PABPC4L: variants seen among roughly 807,000 people sequenced by gnomAD.
The protein encoded by PABPC4L is polyadenylate-binding protein 4-like.
For missense variants in PABPC4L, 452 were observed against 451.4 expected, an observed-to-expected ratio of 1.00 and a Z score of -0.01; for synonymous variants, 169 against 164.1, an observed-to-expected ratio of 1.03 and a Z score of -0.23.
At chr4:134,049,466 T>C in the PABPC4L span, among the ~76,000 whole-genome samples, 1 of 152,168 alleles carries the variant, frequency 6.6e-6, no homozygotes, top group Non-Finnish European at 1.5e-5. Flanking sequence ...GTATCTCCTA[T>C]TGTATTATGT....
the PABPC4L span, among the ~76,000 whole-genome samples, chr4:134,077,258 T>C: frequency 6.6e-6 from 1 of 152,178 alleles, no homozygotes; most frequent in East Asian, 1.9e-4. Flanking sequence ...TGAACATTGC[T>C]TTCTTTATAT....
At chr4:134,025,562 A>G in the PABPC4L span, among the ~76,000 whole-genome samples, 2 of 152,120 alleles carry the variant, frequency 1.3e-5, no homozygotes, top group African/African-American at 2.4e-5. Context: ...AGCATGAGCA[A>G]AATTATTTTC....
At chr4:134,112,643 A>C in the PABPC4L span, among the ~76,000 whole-genome samples, 2 of 151,572 alleles carry the variant, frequency 1.3e-5, no homozygotes, top group Non-Finnish European at 2.9e-5. Flanking sequence ...TCATCTATCT[A>C]TCTACATCTA....
At chr4:134,087,071 C>T in the PABPC4L span, among the ~76,000 whole-genome samples, 2 of 151,358 alleles carry the variant, frequency 1.3e-5, no homozygotes, top group Non-Finnish European at 2.9e-5. Context: ...TTTGTTCTTG[C>T]GATAGTTTAC....
chr4:133,954,318 A>G, the PABPC4L span, among the ~76,000 whole-genome samples: 1 of 152,144 alleles, frequency 6.6e-6, no homozygotes, highest in Non-Finnish European at 1.5e-5. Flanking sequence ...AAGGGGGAAC[A>G]TGGGGACGAA....
At chr4:134,182,367 A>G in the PABPC4L span, among the ~76,000 whole-genome samples, 95 of 152,068 alleles carry the variant, frequency 6.2e-4, no homozygotes, top group South Asian at 0.019. Context: ...ACTCTATTAT[A>G]TAAATGGTGC....
the PABPC4L span, among the ~76,000 whole-genome samples, chr4:134,047,030 C>T: frequency 1.3e-5 from 2 of 152,254 alleles, no homozygotes; most frequent in African/African-American, 4.8e-5. Flanking sequence ...CAATCTGTGA[C>T]AGAATTAAAG....
chr4:134,134,079 T>C, the PABPC4L span, among the ~76,000 whole-genome samples: 2 of 152,048 alleles, frequency 1.3e-5, no homozygotes, highest in African/African-American at 4.8e-5. Context: ...AATATAAAAG[T>C]ATTGGAAACT....
chr4:134,075,646 C>CA, the PABPC4L span, among the ~76,000 whole-genome samples: 1 of 152,110 alleles, frequency 6.6e-6, no homozygotes, highest in Non-Finnish European at 1.5e-5. Context: ...TTCCTACTTT[C>CA]AAAAAATAAA....
chr4:133,959,480 A>G, the PABPC4L span, among the ~76,000 whole-genome samples: 1 of 152,212 alleles, frequency 6.6e-6, no homozygotes. Context: ...AACAAAATGA[A>G]TTGACCCAAG....
chr4:134,061,615 A>C, the PABPC4L span, among the ~76,000 whole-genome samples: 1 of 114,686 alleles, frequency 8.7e-6, no homozygotes, highest in Non-Finnish European at 1.7e-5. Context: ...AAACACAAAC[A>C]TACACAGAGA....
At chr4:134,050,972 T>G in the PABPC4L span, among the ~76,000 whole-genome samples, 1 of 152,060 alleles carries the variant, frequency 6.6e-6, no homozygotes, top group East Asian at 1.9e-4. Flanking sequence ...TGTTACACAT[T>G]ATATTTTGGG....
chr4:134,055,630 G>GT, the PABPC4L span, among the ~76,000 whole-genome samples: 23,771 of 117,230 alleles, frequency 0.2, 2,679 homozygotes, highest in Middle Eastern at 0.27. Flanking sequence ...GTTCCCCGTG[G>GT]TTTTTTTTTT....
the PABPC4L span, among the ~76,000 whole-genome samples, chr4:134,109,109 T>A: frequency 9.2e-5 from 14 of 152,076 alleles, no homozygotes; most frequent in South Asian, 2.9e-3. Flanking sequence ...TTTGTAAGGT[T>A]TGTAATGCTT....
the PABPC4L span, among the ~76,000 whole-genome samples, chr4:134,045,543 T>C: frequency 6.6e-6 from 1 of 152,118 alleles, no homozygotes; most frequent in African/African-American, 2.4e-5. Context: ...AGGGCAGACA[T>C]AGTATGAAAC....
the PABPC4L span, among the ~76,000 whole-genome samples, chr4:134,168,859 C>G: frequency 6.6e-6 from 1 of 151,922 alleles, no homozygotes; most frequent in African/African-American, 2.4e-5. Flanking sequence ...TAAAATCAAT[C>G]CTACTCAAAA....
chr4:134,046,419 C>G, the PABPC4L span, among the ~76,000 whole-genome samples: 2 of 152,140 alleles, frequency 1.3e-5, no homozygotes, highest in African/African-American at 4.8e-5. Flanking sequence ...GCAGTTTTCT[C>G]CTATCTCAGA....
chr4:134,153,822 T>G, the PABPC4L span, among the ~76,000 whole-genome samples: 1 of 146,874 alleles, frequency 6.8e-6, no homozygotes, highest in Non-Finnish European at 1.5e-5. Flanking sequence ...TTTTTTTTTT[T>G]TTTTTTTTTT....
At chr4:133,952,920 C>A in the PABPC4L span, among the ~76,000 whole-genome samples, 1 of 152,154 alleles carries the variant, frequency 6.6e-6, no homozygotes, top group Non-Finnish European at 1.5e-5. Context: ...CCCCCTTCAC[C>A]CCGATACTGT....
Sources: allele counts gnomAD v4.1 joint callset (sites outside exome capture counted in the v4.1 genomes callset), GRCh38; gene constraint gnomAD v4.1.1; transcripts MANE v1.5; gene names NCBI Gene and HGNC (gene_info 2026-07-23, HGNC 2026-07-21).